Variants in LDLRAD4 observed in about 807,000 individuals in gnomAD.
LDLRAD4 encodes the protein low density lipoprotein receptor class A domain containing 4.
LDLRAD4 carries 5 observed loss-of-function variants against 17.0 expected under a neutral mutation model. The observed-to-expected ratio is 0.29, with a 90% CI of 0.15 to 0.62. The LOEUF is 0.62. Ranked by LOEUF, LDLRAD4 falls within the 20% of genes least tolerant of loss-of-function variation. The pLI, the probability that LDLRAD4 is intolerant of heterozygous loss-of-function variation, is 0.84. For synonymous variants in LDLRAD4, 168 were observed against 171.8 expected (o/e 0.98, Z 0.17); for missense variants, 340 against 424.7 (o/e 0.80, Z 1.75).
chr18:13,466,002 T>C (rs982902702), intron 3 of LDLRAD4, among the ~76,000 whole-genome samples: 4 of 152,216 alleles, frequency 2.6e-5, no homozygotes, highest in Non-Finnish European at 5.9e-5. Context: ...CAGAGATAAC[T>C]GTTTAGTCCA....
intron 3 of LDLRAD4, among the ~76,000 whole-genome samples, chr18:13,594,461 G>A (rs929556670): frequency 5.5e-4 from 84 of 151,898 alleles, no homozygotes; most frequent in African/African-American, 1.9e-3. Context: ...AGGCCAAGGC[G>A]GACGGATCAC....
At chr18:13,446,570 CTGA>C (rs2091420054) in intron 3 of LDLRAD4, among the ~76,000 whole-genome samples, 2 of 152,352 alleles carry the variant, frequency 1.3e-5, no homozygotes, top group Admixed American at 1.3e-4. Context: ...CCTCTACAAA[CTGA>C]TAAGCTATCC....
intron 3 of LDLRAD4, among the ~76,000 whole-genome samples, chr18:13,467,401 C>T (rs1223342255): frequency 1.3e-5 from 2 of 152,104 alleles, no homozygotes; most frequent in Non-Finnish European, 2.9e-5. Flanking sequence ...TTTAAATTAG[C>T]TCTAAAAGAA....
chr18:13,264,619 A>G (rs2044110920), intron 1 of LDLRAD4, among the ~76,000 whole-genome samples: 1 of 152,214 alleles, frequency 6.6e-6, no homozygotes, highest in Non-Finnish European at 1.5e-5. Flanking sequence ...CTTCCTTCCC[A>G]TGTGGGACTG....
intron 1 of LDLRAD4, among the ~76,000 whole-genome samples, chr18:13,333,316 C>CT (rs1415516292): frequency 6.6e-6 from 1 of 152,098 alleles, no homozygotes; most frequent in Non-Finnish European, 1.5e-5. Flanking sequence ...GGATAACAGT[C>CT]TTTTAACAGA....
intron 1 of LDLRAD4, among the ~76,000 whole-genome samples, chr18:13,243,135 T>C (rs936284399): frequency 1.3e-5 from 2 of 152,262 alleles, no homozygotes; most frequent in African/African-American, 4.8e-5. Context: ...AGTCAGGCCA[T>C]GTTTTCTTTG....
At chr18:13,340,222 A>G (rs992987518) in intron 1 of LDLRAD4, among the ~76,000 whole-genome samples, 3 of 152,314 alleles carry the variant, frequency 2.0e-5, no homozygotes, top group South Asian at 4.1e-4. Flanking sequence ...TAATGCTGCT[A>G]TGAACATTGA....
intron 3 of LDLRAD4, among the ~76,000 whole-genome samples, chr18:13,517,187 G>A (rs2093880605): frequency 6.6e-6 from 1 of 152,204 alleles, no homozygotes; most frequent in South Asian, 2.1e-4. Flanking sequence ...TAAATATTGA[G>A]TTGATATAAG....
chr18:13,376,664 G>A (rs750671114), intron 1 of LDLRAD4, among the ~76,000 whole-genome samples: 64 of 152,284 alleles, frequency 4.2e-4, no homozygotes, highest in African/African-American at 1.5e-3. Context: ...CTCGGCGTCC[G>A]GTGCTGTGGA....
Position 13,228,179 on chromosome 18 carries a change from A to G in LDLRAD4, c.-467+9191A>G, listed in dbSNP as rs112783500. ...GGAGATGGATTCCAAAAGGCTGGAG[A>G]TGGTATGAGGCCTGCGGAGTGGAGA... On this transcript the variant is annotated intron_variant, in intron 1 of 5. Coordinates refer to the LDLRAD4 transcript ENST00000399848. Among the ~76,000 whole-genome samples the G allele has an allele frequency of 3.1e-3, 479 of 152,178 alleles. 4 individuals carry two copies. Among genetic ancestry groups the G allele is most frequent in the African/African-American group, 0.011 (449 of 41,512 alleles).
At chr18:13,571,738 G>T (rs187745188) in intron 3 of LDLRAD4, among the ~76,000 whole-genome samples, 1 of 152,168 alleles carries the variant, frequency 6.6e-6, no homozygotes, top group South Asian at 2.1e-4. Context: ...CCGGGTTCAC[G>T]TCATTCTCCC....
chr18:13,513,789 C>T (rs970210876), intron 3 of LDLRAD4, among the ~76,000 whole-genome samples: 8 of 152,250 alleles, frequency 5.3e-5, no homozygotes, highest in Non-Finnish European at 1.0e-4. Context: ...GGGTCCTACC[C>T]TGGCACACTT....
chr18:13,612,632 G>A (rs779451670), intron 3 of LDLRAD4: 79 of 1,608,326 alleles, frequency 4.9e-5, no homozygotes, highest in Non-Finnish European at 6.2e-5. Flanking sequence ...GGAGATTGCC[G>A]GAAGCTGAAG....
intron 1 of LDLRAD4, among the ~76,000 whole-genome samples, chr18:13,219,318 A>G (rs1427694051): frequency 6.6e-6 from 1 of 152,220 alleles, no homozygotes; most frequent in Non-Finnish European, 1.5e-5. Flanking sequence ...CCATAGCCGC[A>G]TGAACTAGCA....
chr18:13,227,448 G>A (rs958176401), intron 1 of LDLRAD4, among the ~76,000 whole-genome samples: 2 of 152,198 alleles, frequency 1.3e-5, no homozygotes, highest in Non-Finnish European at 2.9e-5. Flanking sequence ...AGACCCTCAT[G>A]TACTGTGCAA....
At chr18:13,244,736 C>G (rs1052485712) in intron 1 of LDLRAD4, among the ~76,000 whole-genome samples, 2 of 152,180 alleles carry the variant, frequency 1.3e-5, no homozygotes, top group African/African-American at 4.8e-5. Context: ...CATATCCACA[C>G]ACACAGCAGG....
At chr18:13,518,042 C>CT (rs2093896132) in intron 3 of LDLRAD4, among the ~76,000 whole-genome samples, 1 of 152,170 alleles carries the variant, frequency 6.6e-6, no homozygotes, top group Non-Finnish European at 1.5e-5. Flanking sequence ...CCATGACTTT[C>CT]TTTTCTTTTC....
chr18:13,559,054 T>A (rs1238960995), intron 3 of LDLRAD4, among the ~76,000 whole-genome samples: 1 of 152,164 alleles, frequency 6.6e-6, no homozygotes, highest in East Asian at 1.9e-4. Flanking sequence ...AGTACCCCAC[T>A]GGCTGCAAGA....
chr18:13,516,375 G>A (rs1422055169), intron 3 of LDLRAD4, among the ~76,000 whole-genome samples: 2 of 152,136 alleles, frequency 1.3e-5, no homozygotes, highest in African/African-American at 4.8e-5. Context: ...GGAAGTTCTA[G>A]CCCTGTGCAG....
Sources: gnomAD v4.1 joint callset for allele counts (sites outside exome capture counted in the v4.1 genomes callset) on GRCh38, gnomAD v4.1.1 for gene constraint, MANE v1.5 for transcripts, NCBI Gene and HGNC (gene_info 2026-07-23, HGNC 2026-07-21) for gene names.